Variants in BFSP1 observed in about 807,000 individuals in gnomAD.
BFSP1 encodes beaded filament structural protein 1.
In BFSP1, 38 loss-of-function variants were observed where a neutral mutation model predicts 43.9. The observed-to-expected ratio is 0.87, with a 90% CI of 0.67 to 1.14. The LOEUF is 1.14. BFSP1 is among the 50% of genes most tolerant of loss of function. The pLI, the probability that BFSP1 is intolerant of heterozygous loss-of-function variation, is 0.00. For missense variants in BFSP1, 850 were observed against 875.1 expected, an observed-to-expected ratio of 0.97 and a Z score of 0.36; for synonymous variants, 352 against 354.8, an observed-to-expected ratio of 0.99 and a Z score of 0.09.
At chr20:17,547,897 ATTTTTTTTTT>A (rs71192391) in intron 1 of BFSP1, among the ~76,000 whole-genome samples, 1 of 101,896 alleles carries the variant, frequency 9.8e-6, no homozygotes, top group African/African-American at 3.9e-5. Context: ...TGCCCGGCCA[ATTTTTTTTTT>A]TTTTTTTTTT....
intron 4 of BFSP1, among the ~76,000 whole-genome samples, chr20:17,510,493 A>G (rs1021829732): frequency 5.3e-5 from 8 of 152,216 alleles, no homozygotes; most frequent in Admixed American, 1.3e-4. Flanking sequence ...TAAGGAGAAC[A>G]GGATCCTGAA....
rs781553342 is a variant in BFSP1 at position 17,494,083 on chromosome 20, C to T, written c.1989G>A (p.Lys663=). Residue 663 remains lysine (K), a synonymous_variant, in exon 8 of 8, where the codon AAG becomes AAA. Coordinates refer to ENST00000377873, the MANE Select transcript of BFSP1 (RefSeq NM_001195.5). ...TKSDKKKSGE[K]SS is the part of the protein sequence containing the mutation. Reference sequence around the variant, plus strand: ...ATCAAGCCTGGGCATTTTAAGAGCTCTTCTCTCCTGATTTCTTCTTGTCTG... The same window carrying T: ...ATCAAGCCTGGGCATTTTAAGAGCTTTTCTCTCCTGATTTCTTCTTGTCTG... The T allele has an allele frequency of 6.2e-6, 10 of 1,611,978 alleles. No homozygotes were observed. The highest frequency in any genetic ancestry group is 8.5e-6 in the Non-Finnish European group (10 of 1,178,828).
At chr20:17,559,020 C>A, upstream of BFSP1, 1 of 288,672 alleles carries the variant, frequency 3.5e-6, no homozygotes, top group Non-Finnish European at 6.4e-6. Context: ...CACCTCCACT[C>A]CCCCTTCCAA....
intron 1 of BFSP1, 70 bp from the exon 2 acceptor site, chr20:17,524,978 G>A: frequency 1.5e-6 from 2 of 1,375,430 alleles, no homozygotes; most frequent in Middle Eastern, 1.8e-4. Flanking sequence ...CACATAATCA[G>A]CATTAAATTC....
intron 5 of BFSP1, among the ~76,000 whole-genome samples, chr20:17,504,910 T>TTTGTTG (rs1555801531): frequency 7.2e-6 from 1 of 139,146 alleles, no homozygotes; most frequent in Non-Finnish European, 1.5e-5. Flanking sequence ...GTAAGGTTTT[T>TTTGTTG]TTTTTGTTTT....
intron 6 of BFSP1, among the ~76,000 whole-genome samples, chr20:17,498,322 C>T (rs2033705507): frequency 6.6e-6 from 1 of 152,196 alleles, no homozygotes; most frequent in Non-Finnish European, 1.5e-5. Context: ...ATGGAGAAGA[C>T]CAGACAGCCA....
At chr20:17,551,800 T>C (rs1364633878) in intron 1 of BFSP1, among the ~76,000 whole-genome samples, 4 of 151,942 alleles carry the variant, frequency 2.6e-5, no homozygotes, top group African/African-American at 9.7e-5. Flanking sequence ...CTGACCAACA[T>C]GGTGAAACCT....
intron 1 of BFSP1, among the ~76,000 whole-genome samples, chr20:17,529,218 G>A (rs2300928): frequency 0.098 from 14,956 of 152,012 alleles, 1,201 homozygotes; most frequent in East Asian, 0.33. Context: ...AACTACAGGC[G>A]TGTGCCACTA....
chr20:17,559,373 A>G (rs986388541), upstream of BFSP1, among the ~76,000 whole-genome samples: 7 of 152,242 alleles, frequency 4.6e-5, no homozygotes, highest in Admixed American at 1.3e-4. Flanking sequence ...CGAATTGCTA[A>G]GACTGTGCCA....
Position 17,494,594 on chromosome 20 carries a change from C to A in BFSP1, c.1478G>T (p.Gly493Val). The change falls in exon 8 of 8, where the codon GGT becomes GTT. Residue 493 changes from glycine (G) to valine (V), a missense_variant. Physicochemically the swap from Gly to Val is moderately radical, Grantham distance 109. Coordinates refer to ENST00000377873, the MANE Select transcript of BFSP1 (RefSeq NM_001195.5). ...RFYVSSITAK[G>V]GVAVSVAEDS... ...TTCCGCAACAGAAACAGCCACCCCA[C>A]CTTTAGCTGTGATGGAGGAGACATA... 2.5e-6 allele frequency: 4 copies of A among 1,614,190 alleles called. No individual in the cohort carries two copies. The highest frequency in any genetic ancestry group is 3.4e-6 in the Non-Finnish European group (4 of 1,180,042).
intron 6 of BFSP1, 41 bp downstream of exon 6, chr20:17,498,779 G>A (rs2033716824): frequency 6.3e-7 from 1 of 1,592,734 alleles, no homozygotes; most frequent in Non-Finnish European, 8.6e-7. Context: ...AAAGAGTTGT[G>A]GAAGGAATAA....
At chr20:17,531,511 C>T, upstream of BFSP1, 1 of 924,062 alleles carries the variant, frequency 1.1e-6, no homozygotes, top group Non-Finnish European at 1.4e-6. Flanking sequence ...GAGCAGCGGC[C>T]CGCTTTGTGC....
rs138253314 is a variant in BFSP1 at position 17,549,515 on chromosome 20, G to A, written c.2+9173C>T. ...GCAGATCTCATGAGAACTCTATCAC[G>A]AGAACAGCACCAAAGGGATGGTGCC... On this transcript the variant is annotated intron_variant, in intron 1 of 7. Transcript: ENST00000377868. Among the ~76,000 whole-genome samples the A allele has an allele frequency of 1.0e-3, 154 of 152,246 alleles. 1 individual carries two copies. Among genetic ancestry groups the A allele is most frequent in the African/African-American group, 3.3e-3 (139 of 41,554 alleles).
chr20:17,556,488 C>G (rs530349459), intron 1 of BFSP1, among the ~76,000 whole-genome samples: 1 of 152,062 alleles, frequency 6.6e-6, no homozygotes, highest in African/African-American at 2.4e-5. Context: ...GACAGACTGA[C>G]AGCCTATCTC....
intron 1 of BFSP1, among the ~76,000 whole-genome samples, chr20:17,530,119 G>A (rs1021869408): frequency 3.3e-5 from 5 of 152,168 alleles, no homozygotes; most frequent in African/African-American, 7.2e-5. Flanking sequence ...TCTAGGGTGG[G>A]CCCAAGAATC....
intron 1 of BFSP1, among the ~76,000 whole-genome samples, chr20:17,536,911 C>T (rs372765371): frequency 2.0e-5 from 3 of 152,288 alleles, no homozygotes; most frequent in African/African-American, 7.2e-5. Context: ...TTGTATTCCT[C>T]CAAATCTCAC....
chr20:17,523,260 A>G (rs1202774161), intron 2 of BFSP1, among the ~76,000 whole-genome samples: 1 of 152,174 alleles, frequency 6.6e-6, no homozygotes. Context: ...CAAGGGTAAA[A>G]GAGGAACCCC....
Position 17,531,051 on chromosome 20 carries a change from C to G in BFSP1, c.279G>C (p.Glu93Asp). Residue 93 changes from glutamate to aspartate, a missense_variant, in exon 1 of 8, where the codon GAG (glutamate) becomes GAC (aspartate). Coordinates refer to ENST00000377873, the MANE Select transcript of BFSP1 (RefSeq NM_001195.5). ...GGTCCCGGACGCGCTGGCGGTTGCT[C>G]TCGACTTGGCGGGCGAGGGCGTCCT... ...GPEDALARQV[E>D]SNRQRVRDLE... 1.4e-6 allele frequency: 2 copies of G among 1,411,412 alleles called. No individual in the cohort carries two copies. The highest frequency in any genetic ancestry group is 1.8e-6 in the Non-Finnish European group (2 of 1,084,884). 87.4% of individuals were successfully genotyped at this position (1,411,412 alleles called of 1,614,324 possible).
intron 1 of BFSP1, among the ~76,000 whole-genome samples, chr20:17,539,045 T>C (rs567316684): frequency 6.6e-6 from 1 of 151,350 alleles, no homozygotes; most frequent in African/African-American, 2.4e-5. Flanking sequence ...CTGCTTTGTA[T>C]CAGTTAGGAG....
Sources: gnomAD v4.1 joint callset for allele counts (sites outside exome capture counted in the v4.1 genomes callset) on GRCh38, gnomAD v4.1.1 for gene constraint, MANE v1.5 for transcripts, NCBI Gene and HGNC (gene_info 2026-07-23, HGNC 2026-07-21) for gene names.